GCN1: variants seen among roughly 807,000 people sequenced by gnomAD.
GCN1 encodes the protein GCN1 activator of EIF2AK4.
GCN1 carries 90 observed loss-of-function variants against 288.4 expected under a neutral mutation model. That is an observed-to-expected ratio of 0.31 (90% CI 0.26 to 0.37). GCN1 has a LOEUF of 0.37. Ranked by LOEUF, GCN1 falls within the 10% of genes least tolerant of loss-of-function variation. GCN1 has a pLI of 1.00. For synonymous variants in GCN1, 1,386 were observed against 1,420.2 expected, an observed-to-expected ratio of 0.98 and a Z score of 0.54; for missense variants, 2,586 against 3,419.9, an observed-to-expected ratio of 0.76 and a Z score of 6.08.
chr12:120,183,483 C>T (rs1322591348), intron 5 of GCN1, 86 bp downstream of exon 5: 2 of 857,028 alleles, frequency 2.3e-6, no homozygotes, highest in Non-Finnish European at 4.0e-6. Context: ...CCCAGAAAAG[C>T]ACTTGGCACC....
In GCN1 at chr12:120,161,496, C is replaced by G; in HGVS notation, c.2430G>C (p.Leu810=). 6.2e-7 allele frequency: 1 copy of G among 1,611,842 alleles called. No individual in the cohort carries two copies. The highest frequency in any genetic ancestry group is 8.5e-7 in the Non-Finnish European group (1 of 1,177,918). The change falls in exon 22 of 58, where the codon CTG becomes CTC. Residue 810 remains leucine, a synonymous_variant. Coordinates refer to ENST00000300648, the MANE Select transcript of GCN1 (RefSeq NM_006836.2). ...AGTGCCTCCGTGTACTCACCTCCTT[C>G]AGCTCCAGCTCGATGATCTGCTCTT... is the stretch of plus-strand genomic sequence containing the variant. ...SFKEQIIELE[L]KEEIKKKKGI... is the part of the protein sequence containing the mutation.
At position 120,190,414 on chromosome 12, in the gene GCN1, G is replaced by GCCC. The variant is rs770814769; in HGVS notation, c.19-15_19-14insGGG. ...TGTCTCGGAAACCTGTGAAGGCCAAGCAACAGAAAAATTCACTAGTCAGAC... is the reference window on the plus strand; with the variant it reads ...TGTCTCGGAAACCTGTGAAGGCCAAGCCCCAACAGAAAAATTCACTAGTCAGAC... On this transcript the variant is annotated splice_polypyrimidine_tract_variant and intron_variant, in intron 1 of 57. Coordinates refer to ENST00000300648, the MANE Select transcript of GCN1 (RefSeq NM_006836.2). 1 of 1,419,632 alleles carries GCCC rather than the reference G, an allele frequency of 7.0e-7. No homozygotes were observed. The highest frequency in any genetic ancestry group is 1.0e-6 in the Non-Finnish European group (1 of 1,002,686). The allele number at this position is 1,419,632 out of a possible 1,614,324, so 87.9% of individuals were successfully genotyped here.
chr12:120,144,774 G>C lies in GCN1; in HGVS notation c.5217C>G (p.Ile1739Met), dbSNP rs752430496. ...TGTCCACTTTGCTGGCTGTAGCCACGATTTCTGGCATCAACTTCTCCAACT... is the reference window on the plus strand; with the variant it reads ...TGTCCACTTTGCTGGCTGTAGCCACCATTTCTGGCATCAACTTCTCCAACT... ...VEKLEKLMPE[I>M]VATASKVDIA... The change falls in exon 41 of 58, where the codon ATC becomes ATG. Residue 1739 changes from isoleucine to methionine, a missense_variant. By Grantham distance (10) the Ile-to-Met change is conservative. Around this residue, in one of 8 missense-constraint regions of GCN1, gnomAD observed 371 missense variants for 572.6 expected, o/e 0.65. Coordinates refer to ENST00000300648, the MANE Select transcript of GCN1 (RefSeq NM_006836.2). The surrounding 1 kb of genome is among the most constrained non-coding windows in gnomAD (Gnocchi z 4.7). 1.2e-6 allele frequency: 2 copies of C among 1,613,966 alleles called. No homozygotes were observed. Among genetic ancestry groups the C allele is most frequent in the Admixed American group, 3.3e-5 (2 of 60,008 alleles).
intron 10 of GCN1, 129 bp from the exon 11 acceptor site, chr12:120,176,003 A>G: frequency 2.2e-6 from 3 of 1,352,482 alleles, no homozygotes; most frequent in South Asian, 2.5e-5. Context: ...CTCAAGAAAG[A>G]AACTGCCAAT....
chr12:120,162,177 CTGGGCAATGCCCATCACAG>C (rs1594276049), intron 20 of GCN1, 119 bp from the exon 21 acceptor site: 1 of 790,854 alleles, frequency 1.3e-6, no homozygotes, highest in East Asian at 2.7e-5. Flanking sequence ...CTTGTTACTC[CTGGGCAATGCCCATCACAG>C]TGGCCGGCTG....
intron 37 of GCN1, among the ~76,000 whole-genome samples, chr12:120,147,948 G>A (rs1877414555): frequency 6.6e-6 from 1 of 152,188 alleles, no homozygotes; most frequent in Non-Finnish European, 1.5e-5. Flanking sequence ...TCCAGATAAT[G>A]TCATTCAGTT....
intron 4 of GCN1, 21 bp downstream of exon 4, chr12:120,184,091 G>T (rs767490234): frequency 1.1e-5 from 17 of 1,603,720 alleles, no homozygotes; most frequent in Non-Finnish European, 1.4e-5. Flanking sequence ...TTCTCAGGGG[G>T]CCACAACTTT....
In GCN1 at chr12:120,129,299, G is replaced by A; in HGVS notation, c.7867C>T (p.Arg2623Trp). 8 of 1,613,812 alleles carry A rather than the reference G, an allele frequency of 5.0e-6. No individual in the cohort carries two copies. The highest frequency in any genetic ancestry group is 2.2e-5 in the South Asian group (2 of 91,076). Reference sequence around the variant, plus strand: ...ACCTGAAACACCTCTTCACCCTGCCGCATCTTGAGGAGGTTGACAATTGCC... The same window carrying A: ...ACCTGAAACACCTCTTCACCCTGCCACATCTTGAGGAGGTTGACAATTGCC... The part of the protein sequence containing the change: ...DQAIVNLLKM[R>W]QGEEVFQSLS... The change falls in exon 57 of 58, where the codon CGG (arginine) becomes TGG (tryptophan). Residue 2623 changes from arginine (R) to tryptophan (W), a missense_variant. By Grantham distance (101) the Arg-to-Trp change is moderately radical. Transcript: ENST00000300648.
chr12:120,132,703 AAG>A (rs1876870796), intron 53 of GCN1, among the ~76,000 whole-genome samples: 1 of 152,332 alleles, frequency 6.6e-6, no homozygotes, highest in African/African-American at 2.4e-5. Flanking sequence ...ATGGAATACC[AAG>A]AGAGGATTTT....
chr12:120,129,800 C>A (rs535763678), intron 56 of GCN1, among the ~76,000 whole-genome samples: 2 of 152,216 alleles, frequency 1.3e-5, no homozygotes, highest in African/African-American at 4.8e-5. Flanking sequence ...TAGGTTAGTT[C>A]CTTCCCATCC....
At chr12:120,193,216 G>C (rs1375171374) in intron 1 of GCN1, among the ~76,000 whole-genome samples, 1 of 152,094 alleles carries the variant, frequency 6.6e-6, no homozygotes, top group Non-Finnish European at 1.5e-5. Context: ...ATAAAATACA[G>C]AAATATTCTC....
intron 53 of GCN1, among the ~76,000 whole-genome samples, chr12:120,133,241 T>G (rs761717903): frequency 2.0e-5 from 3 of 152,092 alleles, no homozygotes; most frequent in Non-Finnish European, 2.9e-5. Context: ...TGTAAAACCA[T>G]GTGAGCCCAA....
At chr12:120,135,184 G>C (rs186794579) in intron 51 of GCN1, among the ~76,000 whole-genome samples, 1 of 152,130 alleles carries the variant, frequency 6.6e-6, no homozygotes, top group South Asian at 2.1e-4. Flanking sequence ...AGCAGGATAC[G>C]CACTCCACAT....
At position 120,155,631 on chromosome 12, in the gene GCN1, T is replaced by G. The variant is rs372283992; in HGVS notation, c.3401A>C (p.Lys1134Thr). The part of the protein sequence containing the change: ...LNLLRRLWVV[K>T]FDKEEEIRKL... The stretch of plus-strand genomic sequence containing the variant: ...CCGGATCTCCTCCTCCTTGTCAAAC[T>G]TGACCACCCAGAGTCTCCGCAGAAG... Residue 1134 changes from lysine to threonine, a missense_variant, in exon 29 of 58, where the codon AAG (lysine) becomes ACG (threonine). By Grantham distance (78) the Lys-to-Thr change is moderately conservative. Coordinates refer to ENST00000300648, the MANE Select transcript of GCN1 (RefSeq NM_006836.2). This position sits in a 1 kb window ranked among gnomAD's most constrained non-coding sequence, Gnocchi z 4.9. 6.2e-7 allele frequency: 1 copy of G among 1,614,138 alleles called. No homozygotes were observed. The highest frequency in any genetic ancestry group is 8.5e-7 in the Non-Finnish European group (1 of 1,180,010).
chr12:120,177,366 A>C, intron 9 of GCN1, 81 bp downstream of exon 9: 3 of 701,540 alleles, frequency 4.3e-6, no homozygotes, highest in Non-Finnish European at 5.1e-6. Context: ...CCTACCACAC[A>C]CACTTCTTGT....
At chr12:120,140,837 G>C in intron 45 of GCN1, 22 bp downstream of exon 45, 2 of 1,609,078 alleles carry the variant, frequency 1.2e-6, no homozygotes, top group Non-Finnish European at 1.7e-6. Context: ...CACAGCTGGC[G>C]GGATCCTTGG....
chr12:120,188,266 T>A (rs1438438475), intron 2 of GCN1, among the ~76,000 whole-genome samples: 2 of 151,898 alleles, frequency 1.3e-5, no homozygotes, highest in Non-Finnish European at 2.9e-5. Context: ...AAACCCCATC[T>A]CTACTAAAAA....
At chr12:120,129,075 C>T (rs908276540) in intron 57 of GCN1, among the ~76,000 whole-genome samples, 2 of 151,884 alleles carry the variant, frequency 1.3e-5, no homozygotes, top group Non-Finnish European at 2.9e-5. Context: ...GTGATCTGCC[C>T]GCCTCAGCCT....
rs997045432 is a variant in GCN1, at chr12:120,140,951, G to A, written c.5902C>T (p.Leu1968Phe). Residue 1968 changes from leucine (L) to phenylalanine (F), a missense_variant, in exon 45 of 58, where the codon CTT becomes TTT. Leu to Phe is a conservative substitution (Grantham distance 22). This residue lies in a region of GCN1 where 437 missense variants were observed against 570.5 expected (regional missense o/e 0.77). Transcript: ENST00000300648. ...EKILPEIIPI[L>F]EEGLRSQKSD... The stretch of plus-strand genomic sequence containing the variant: ...TTCTGAGACCTCAGGCCTTCCTCAA[G>A]GATGGGGATGATCTCGGGGAGGATT... The A allele has an allele frequency of 6.2e-7, 1 of 1,613,920 alleles. No homozygotes were observed. The highest frequency in any genetic ancestry group is 8.5e-7 in the Non-Finnish European group (1 of 1,179,846).
Sources: gnomAD v4.1 joint callset for allele counts (sites outside exome capture counted in the v4.1 genomes callset) on GRCh38, gnomAD v4.1.1 for gene constraint, gnomAD v4.1.1 regional missense constraint, Gnocchi (gnomAD v3.1) non-coding constraint, MANE v1.5 for transcripts, NCBI Gene and HGNC (gene_info 2026-07-23, HGNC 2026-07-21) for gene names.